Variants in INSYN2B observed in about 807,000 individuals in gnomAD.
INSYN2B encodes the protein protein INSYN2B.
A neutral mutation model predicts 41.2 loss-of-function variants in INSYN2B; 16 were observed. The ratio of observed to expected loss-of-function variants is 0.39; its 90% CI spans 0.26 to 0.59. INSYN2B has a LOEUF of 0.59. Among genes scored for constraint, INSYN2B ranks in the 20% least tolerant of loss-of-function variants. INSYN2B has a pLI of 0.57. For missense variants in INSYN2B, 608 were observed against 646.4 expected, an observed-to-expected ratio of 0.94 and a Z score of 0.64; for synonymous variants, 245 against 244.4, an observed-to-expected ratio of 1.00 and a Z score of -0.02.
intron 1 of INSYN2B, among the ~76,000 whole-genome samples, chr5:169,972,731 A>G (rs1777568583): frequency 6.6e-6 from 1 of 152,206 alleles, no homozygotes; most frequent in Non-Finnish European, 1.5e-5. Context: ...CTAAATAAAT[A>G]TTTGATAACT....
chr5:169,907,798 T>C (rs1774369095), intron 1 of INSYN2B, among the ~76,000 whole-genome samples: 5 of 152,128 alleles, frequency 3.3e-5, no homozygotes, highest in Admixed American at 2.6e-4. Flanking sequence ...TTTGGAAAAG[T>C]CTGGAGACAT....
intron 1 of INSYN2B, among the ~76,000 whole-genome samples, chr5:169,914,111 C>T (rs1049688485): frequency 6.6e-6 from 1 of 152,164 alleles, no homozygotes; most frequent in East Asian, 1.9e-4. Flanking sequence ...CTCAGAACGC[C>T]TTTTGTATAG....
At position 169,883,725 on chromosome 5, in the gene INSYN2B, A is replaced by G. The variant is rs1454910135; in HGVS notation, c.174T>C (p.Thr58=). 2.1e-5 allele frequency: 32 copies of G among 1,551,288 alleles called. No homozygotes were observed. The highest frequency in any genetic ancestry group is 2.8e-5 in the Non-Finnish European group (32 of 1,146,892). ...PTGLAEVDVQ[T]PEDPAVMGKT... ...TCCCCATCACAGCCGGGTCTTCTGG[A>G]GTTTGGACGTCAACCTCAGCTAGGC... The change falls in exon 2 of 4, where the codon ACT becomes ACC. Residue 58 remains threonine, a synonymous_variant. Transcript: ENST00000377365.
intron 1 of INSYN2B, among the ~76,000 whole-genome samples, chr5:169,905,727 C>G (rs1774238509): frequency 6.6e-6 from 1 of 152,192 alleles, no homozygotes; most frequent in Admixed American, 6.5e-5. Flanking sequence ...ATGGCAGCGT[C>G]TGCACCCAGG....
At chr5:169,946,737 C>T (rs1455245466) in intron 1 of INSYN2B, among the ~76,000 whole-genome samples, 1 of 152,228 alleles carries the variant, frequency 6.6e-6, no homozygotes, top group Non-Finnish European at 1.5e-5. Context: ...TAATTTCACA[C>T]AGCGATAGGC....
intron 1 of INSYN2B, among the ~76,000 whole-genome samples, chr5:169,905,652 G>T (rs1774234232): frequency 6.6e-6 from 1 of 152,182 alleles, no homozygotes; most frequent in Non-Finnish European, 1.5e-5. Flanking sequence ...TGTGGGGTAG[G>T]CAGGGACTGG....
chr5:169,925,369 C>G (rs771480932), intron 1 of INSYN2B, among the ~76,000 whole-genome samples: 1 of 152,110 alleles, frequency 6.6e-6, no homozygotes, highest in East Asian at 1.9e-4. Flanking sequence ...ATCACAAGGT[C>G]AGGCGTTAAA....
At chr5:169,889,309 A>G (rs1773153554) in intron 1 of INSYN2B, among the ~76,000 whole-genome samples, 1 of 152,160 alleles carries the variant, frequency 6.6e-6, no homozygotes, top group Admixed American at 6.6e-5. Flanking sequence ...CTAGTCTACT[A>G]TGCTTTCTCT....
rs148711075 is a variant in INSYN2B, at chr5:169,932,351, C to T, written c.-918-47535G>A. ...GGTAGGAAGTGGTTGGAACTATACCCGCTGCAGAGTAGTTGAGGAAGAAAA... is the reference window on the plus strand; with the variant it reads ...GGTAGGAAGTGGTTGGAACTATACCTGCTGCAGAGTAGTTGAGGAAGAAAA... On this transcript the variant is annotated intron_variant, in intron 1 of 3. Coordinates refer to ENST00000377365, the MANE Select transcript of INSYN2B (RefSeq NM_001129891.3). 2.3e-3 allele frequency among the ~76,000 whole-genome samples: 343 copies of T among 152,158 alleles called. 2 individuals carry two copies. Among genetic ancestry groups the T allele is most frequent in the African/African-American group, 7.8e-3 (325 of 41,488 alleles).
At chr5:169,917,106 C>T (rs1287617428) in intron 1 of INSYN2B, among the ~76,000 whole-genome samples, 2 of 152,158 alleles carry the variant, frequency 1.3e-5, no homozygotes, top group African/African-American at 4.8e-5. Flanking sequence ...ATCAAGCCAC[C>T]AAATCTCAGC....
intron 1 of INSYN2B, among the ~76,000 whole-genome samples, chr5:169,895,557 C>G (rs75345097): frequency 0.069 from 10,423 of 152,132 alleles, 397 homozygotes; most frequent in Non-Finnish European, 0.088. Context: ...TAGGATCACA[C>G]TCCCTAAAGC....
chr5:169,905,718 T>C (rs184509853), intron 1 of INSYN2B, among the ~76,000 whole-genome samples: 71 of 152,290 alleles, frequency 4.7e-4, no homozygotes, highest in African/African-American at 1.7e-3. Flanking sequence ...GGCCACTAAA[T>C]GGCAGCGTCT....
chr5:169,879,329 A>G (rs1772505545), intron 3 of INSYN2B, among the ~76,000 whole-genome samples: 1 of 152,232 alleles, frequency 6.6e-6, no homozygotes, highest in Admixed American at 6.5e-5. Flanking sequence ...CTGACTTTCC[A>G]GAACACAACG....
intron 1 of INSYN2B, among the ~76,000 whole-genome samples, chr5:169,965,471 A>G (rs1403548571): frequency 6.6e-6 from 1 of 152,224 alleles, no homozygotes; most frequent in Non-Finnish European, 1.5e-5. Context: ...AAGATCACAC[A>G]GCTGGCTAGT....
intron 1 of INSYN2B, among the ~76,000 whole-genome samples, chr5:169,961,927 C>A (rs894040693): frequency 3.6e-5 from 5 of 137,346 alleles, no homozygotes; most frequent in Non-Finnish European, 7.6e-5. Context: ...TGCAGTGAGC[C>A]GAGATCGTGC....
chr5:169,967,925 C>T (rs533189240), intron 1 of INSYN2B, among the ~76,000 whole-genome samples: 1 of 152,198 alleles, frequency 6.6e-6, no homozygotes, highest in Admixed American at 6.5e-5. Context: ...GATTACTGTC[C>T]TGGCCAAAGT....
chr5:169,908,713 CTTTTTT>C (rs34261104), intron 1 of INSYN2B, among the ~76,000 whole-genome samples: 6 of 105,072 alleles, frequency 5.7e-5, no homozygotes, highest in South Asian at 3.2e-4. Flanking sequence ...TTTCTTTTTT[CTTTTTT>C]TTTTTTTTTT....
chr5:169,934,760 A>T (rs1426555610), intron 1 of INSYN2B: 1 of 454,680 alleles, frequency 2.2e-6, no homozygotes, highest in East Asian at 7.0e-5. Flanking sequence ...TGCTCAGTAA[A>T]TGCTAGTTAT....
intron 1 of INSYN2B, among the ~76,000 whole-genome samples, chr5:169,964,764 C>G (rs538794003): frequency 7.2e-4 from 109 of 152,362 alleles, no homozygotes; most frequent in African/African-American, 2.5e-3. Context: ...TGCTTCTCCC[C>G]TCGGAGCAAA....
Sources: allele counts gnomAD v4.1 joint callset (sites outside exome capture counted in the v4.1 genomes callset), GRCh38; gene constraint gnomAD v4.1.1; transcripts MANE v1.5; gene names NCBI Gene and HGNC (gene_info 2026-07-23, HGNC 2026-07-21).